The following SORCS3 variants were observed in gnomAD, a reference collection of about 807,000 sequenced individuals.
SORCS3 encodes the protein sortilin related VPS10 domain containing receptor 3, also known as VPS10 domain-containing receptor SorCS3.
A neutral mutation model predicts 146.3 loss-of-function variants in SORCS3; 57 were observed. The observed-to-expected ratio is 0.39, with a 90% CI of 0.31 to 0.49. SORCS3 has a LOEUF of 0.49. Among genes scored for constraint, SORCS3 ranks in the 20% least tolerant of loss-of-function variants. SORCS3 has a pLI of 0.92. For missense variants in SORCS3, 1,341 were observed against 1,575.5 expected (o/e 0.85, Z 2.52); for synonymous variants, 653 against 618.5 (o/e 1.06, Z -0.83).
chr10:105,114,788 C>G (rs1337564030), intron 7 of SORCS3, among the ~76,000 whole-genome samples: 1 of 152,010 alleles, frequency 6.6e-6, no homozygotes, highest in East Asian at 1.9e-4. Context: ...TTCTATAGAC[C>G]TGGCGAAGAA....
intron 3 of SORCS3, among the ~76,000 whole-genome samples, chr10:104,964,419 A>T (rs2054815047): frequency 6.6e-6 from 1 of 151,348 alleles, no homozygotes; most frequent in African/African-American, 2.4e-5. Context: ...GCTTTCTTTC[A>T]CTCTAAAGGC....
At chr10:105,238,570 T>C (rs2056806309) in intron 20 of SORCS3, among the ~76,000 whole-genome samples, 1 of 152,188 alleles carries the variant, frequency 6.6e-6, no homozygotes, top group Non-Finnish European at 1.5e-5. Flanking sequence ...AGGATTCATT[T>C]GGGCAGAAGT....
chr10:105,173,323 AAAC>A (rs778611012), intron 13 of SORCS3, among the ~76,000 whole-genome samples: 26 of 152,220 alleles, frequency 1.7e-4, no homozygotes, highest in African/African-American at 4.6e-4. Flanking sequence ...AAACACAAAA[AAAC>A]AACAACAAAA....
At chr10:104,806,298 A>C (rs1323330953) in intron 1 of SORCS3, among the ~76,000 whole-genome samples, 1 of 152,198 alleles carries the variant, frequency 6.6e-6, no homozygotes, top group Non-Finnish European at 1.5e-5. Context: ...AGAAGTTTGA[A>C]GACCAGTTAC....
chr10:104,889,335 T>G (rs753449246), intron 2 of SORCS3, among the ~76,000 whole-genome samples: 2 of 151,726 alleles, frequency 1.3e-5, no homozygotes, highest in Non-Finnish European at 2.9e-5. Flanking sequence ...TTAATTAAAG[T>G]TCTAGATCAT....
At chr10:104,706,578 C>G (rs908485932) in intron 1 of SORCS3, among the ~76,000 whole-genome samples, 1 of 152,116 alleles carries the variant, frequency 6.6e-6, no homozygotes, top group Non-Finnish European at 1.5e-5. Flanking sequence ...TATGTGTAAA[C>G]TACTTTAATG....
At chr10:105,008,916 C>T (rs946846414) in intron 4 of SORCS3, among the ~76,000 whole-genome samples, 2 of 152,112 alleles carry the variant, frequency 1.3e-5, no homozygotes, top group Non-Finnish European at 2.9e-5. Flanking sequence ...CAAAGTGCTG[C>T]GATTACAGGC....
intron 5 of SORCS3, among the ~76,000 whole-genome samples, chr10:105,049,270 T>C (rs1169573624): frequency 6.6e-6 from 1 of 152,142 alleles, no homozygotes; most frequent in East Asian, 1.9e-4. Context: ...CCTCTGTTCA[T>C]ATCTGTCCTG....
chr10:104,765,721 C>A (rs979742506), intron 1 of SORCS3, among the ~76,000 whole-genome samples: 1 of 152,198 alleles, frequency 6.6e-6, no homozygotes, highest in Non-Finnish European at 1.5e-5. Context: ...AAAGCTCTCG[C>A]ACTATGCCAG....
intron 1 of SORCS3, among the ~76,000 whole-genome samples, chr10:104,741,076 A>G (rs896104000): frequency 1.3e-5 from 2 of 151,506 alleles, no homozygotes; most frequent in African/African-American, 2.4e-5. Flanking sequence ...ATTCTCCCAC[A>G]TCAGCCTCCC....
chr10:104,787,200 G>A (rs942418903), intron 1 of SORCS3, among the ~76,000 whole-genome samples: 2 of 152,212 alleles, frequency 1.3e-5, no homozygotes, highest in African/African-American at 2.4e-5. Flanking sequence ...AGGAGGATGT[G>A]AGGCAGCTGG....
intron 14 of SORCS3, among the ~76,000 whole-genome samples, chr10:105,185,146 T>C (rs575067878): frequency 6.6e-6 from 1 of 152,330 alleles, no homozygotes; most frequent in Non-Finnish European, 1.5e-5. Flanking sequence ...ATATTCAGCT[T>C]TTGTTAAAAA....
intron 3 of SORCS3, among the ~76,000 whole-genome samples, chr10:104,940,692 C>A (rs375303538): frequency 1.3e-5 from 2 of 151,844 alleles, no homozygotes; most frequent in Admixed American, 1.3e-4. Context: ...TGAATAGTGC[C>A]GCAGTAAACA....
intron 14 of SORCS3, among the ~76,000 whole-genome samples, chr10:105,193,985 T>C (rs753901740): frequency 7.2e-5 from 11 of 152,078 alleles, no homozygotes; most frequent in Non-Finnish European, 1.3e-4. Context: ...AAAATCCAAG[T>C]GGCAAGGTAA....
intron 1 of SORCS3, among the ~76,000 whole-genome samples, chr10:104,734,384 C>G (rs938830963): frequency 1.3e-5 from 2 of 152,192 alleles, no homozygotes; most frequent in Non-Finnish European, 2.9e-5. Context: ...GCAGAGAAAG[C>G]AACAGCAAAG....
intron 2 of SORCS3, among the ~76,000 whole-genome samples, chr10:104,879,635 G>A (rs549884089): frequency 4.6e-5 from 7 of 152,290 alleles, no homozygotes; most frequent in Non-Finnish European, 8.8e-5. Context: ...GTCATTATGA[G>A]CCCATTGACT....
intron 2 of SORCS3, among the ~76,000 whole-genome samples, chr10:104,893,917 C>T (rs914754920): frequency 5.9e-5 from 9 of 152,138 alleles, no homozygotes; most frequent in Non-Finnish European, 4.4e-5. Context: ...GCACCTGTTC[C>T]ATCCTCCCTT....
At chr10:105,095,853 A>T (rs1214544941) in intron 6 of SORCS3, among the ~76,000 whole-genome samples, 1 of 152,132 alleles carries the variant, frequency 6.6e-6, no homozygotes, top group Non-Finnish European at 1.5e-5. Flanking sequence ...AAAATGAAGC[A>T]GAATTAATGA....
At chr10:105,184,127 G>C (rs1467741684) in intron 14 of SORCS3, among the ~76,000 whole-genome samples, 1 of 152,234 alleles carries the variant, frequency 6.6e-6, no homozygotes, top group Non-Finnish European at 1.5e-5. Context: ...TGGCCAGCTA[G>C]AGCAGGGGTT....
Sources: allele counts gnomAD v4.1 joint callset (sites outside exome capture counted in the v4.1 genomes callset), GRCh38; gene constraint gnomAD v4.1.1; transcripts MANE v1.5; gene names NCBI Gene and HGNC (gene_info 2026-07-23, HGNC 2026-07-21).